AGRN: variants seen among roughly 807,000 people sequenced by gnomAD.
AGRN encodes the protein agrin proteoglycan.
AGRN carries 106 observed loss-of-function variants against 211.0 expected under a neutral mutation model. The observed-to-expected ratio is 0.50, with a 90% CI of 0.43 to 0.59. The LOEUF (loss-of-function observed/expected upper bound fraction) is 0.59, where lower values mean the gene tolerates loss of function less well. Ranked by LOEUF, AGRN falls within the 20% of genes least tolerant of loss-of-function variation. The pLI is 0.00. For missense variants in AGRN, 3,040 were observed against 2,982.6 expected (o/e 1.02, Z -0.45); for synonymous variants, 1,525 against 1,332.5 (o/e 1.14, Z -3.15).
At chr1:1,034,045 C>G in intron 2 of AGRN, 2 of 875,010 alleles carry the variant, frequency 2.3e-6, no homozygotes, top group Non-Finnish European at 2.7e-6. Context: ...AGCCCGGGAC[C>G]CGGCGCGGCC....
At chr1:1,037,804 A>G (rs776421757) in intron 3 of AGRN, among the ~76,000 whole-genome samples, 13 of 151,928 alleles carry the variant, frequency 8.6e-5, no homozygotes, top group Non-Finnish European at 1.6e-4. Context: ...CAGGTGGCCT[A>G]CCTTCCTCCT....
rs781097631 is a variant in AGRN, at chr1:1,044,242, T to C, written c.2133T>C (p.Ser711=). ...GPCVCDFSCQ[S]VPGSPVCGSD... is the part of the protein sequence containing the mutation. ...GTGTCTGTGACTTCAGCTGCCAGAG[T>C]GTCCCAGGCAGCCCGGTGAGCTCTG... Residue 711 remains serine, a synonymous_variant, in exon 11 of 36, where the codon AGT becomes AGC. Transcript: ENST00000379370. The C allele has an allele frequency of 8.7e-6, 14 of 1,612,472 alleles. No individual in the cohort carries two copies. The East Asian group carries it at 2.9e-4, about 33-fold the overall frequency.
At position 1,045,256 on chromosome 1, in the gene AGRN, GTGGGCC is replaced by G; in HGVS notation, c.2354_2359del (p.Gly785_Leu786del). 6.2e-7 allele frequency: 1 copy of G among 1,611,644 alleles called. No individual in the cohort carries two copies. The highest frequency in any genetic ancestry group is 8.5e-7 in the Non-Finnish European group (1 of 1,179,470). On this transcript the variant is annotated inframe_deletion, in exon 13 of 36. Coordinates refer to ENST00000379370, the MANE Select transcript of AGRN (RefSeq NM_198576.4). Reference sequence around the variant, plus strand: ...GGACAATATCACCGCAGCCCGGGGCGTGGGCCTGGCTGGCTGCCCCAGTGAGTACCT... The same window carrying G: ...GGACAATATCACCGCAGCCCGGGGCGTGGCTGGCTGCCCCAGTGAGTACCT...
chr1:1,048,767 CAAAAAAAAAAAAAAAAAA>C lies in AGRN; in HGVS notation c.4106-95_4106-78del. 9.3e-6 allele frequency: 10 copies of C among 1,075,966 alleles called. No individual in the cohort carries two copies. Among genetic ancestry groups the C allele is most frequent in the Non-Finnish European group, 1.2e-5 (10 of 814,054 alleles). The allele number at this position is 1,075,966 out of a possible 1,614,324, so 66.7% of individuals were successfully genotyped here. On this transcript the variant is annotated intron_variant, in intron 23 of 35. Transcript: ENST00000379370. This position sits in a 1 kb window ranked among gnomAD's most constrained non-coding sequence, Gnocchi z 5.9. ...GGGCAAAAAGAGCAAAACTCCGTCT[CAAAAAAAAAAAAAAAAAA>C]AAAAGCAGGGGGCGGTTTCAGGGAT...
At chr1:1,047,031 C>T (rs1159366146) in intron 19 of AGRN, 74 bp downstream of exon 19, 2 of 1,543,544 alleles carry the variant, frequency 1.3e-6, no homozygotes, top group Non-Finnish European at 1.7e-6. Flanking sequence ...CTCGCCTGGG[C>T]AGCAGGTCAG....
chr1:1,053,816 G>C lies in AGRN; in HGVS notation c.5715G>C (p.Leu1905=). 6.2e-7 allele frequency: 1 copy of C among 1,611,268 alleles called. No homozygotes were observed. The highest frequency in any genetic ancestry group is 8.5e-7 in the Non-Finnish European group (1 of 1,179,426). ...LSLRTEATQG[L]VLWSGKATER... ...TGCGCACTGAGGCCACGCAGGGGCT[G>C]GTGCTCTGGAGTGGCAAGGCCACGG... The change falls in exon 34 of 36, where the codon CTG becomes CTC. Residue 1905 remains leucine (L), a synonymous_variant. Coordinates refer to ENST00000379370, the MANE Select transcript of AGRN (RefSeq NM_198576.4).
rs989999911 is a variant in AGRN at position 1,031,341 on chromosome 1, G to A, written c.464-3936G>A. 1.3e-5 allele frequency among the ~76,000 whole-genome samples: 2 copies of A among 152,150 alleles called. No homozygotes were observed. The highest frequency in any genetic ancestry group is 2.4e-5 in the African/African-American group (1 of 41,412). ...GTGAGTGTGAGATCAGGGACCAGGG[G>A]GCTAGTACTCTTTCCTGCACATGAG... On this transcript the variant is annotated intron_variant, in intron 2 of 35. Transcript: ENST00000379370. This position sits in a 1 kb window ranked among gnomAD's most constrained non-coding sequence, Gnocchi z 4.8.
chr1:1,035,470 T>A, intron 3 of AGRN, 146 bp downstream of exon 3: 1 of 1,136,090 alleles, frequency 8.8e-7, no homozygotes, highest in Admixed American at 1.8e-5. Context: ...GTCCTGGGAG[T>A]CCGCAGCGGT....
chr1:1,040,378 T>C (rs1210646670), intron 3 of AGRN, among the ~76,000 whole-genome samples: 1 of 152,108 alleles, frequency 6.6e-6, no homozygotes, highest in Non-Finnish European at 1.5e-5. Context: ...CAGAGTCGGG[T>C]GCCGCCTGCG....
intron 30 of AGRN, 73 bp from the exon 31 acceptor site, chr1:1,051,180 C>G (rs1037965299): frequency 3.2e-5 from 49 of 1,517,654 alleles, no homozygotes; most frequent in Middle Eastern, 3.4e-4. Flanking sequence ...GGGGCGGGTG[C>G]GTGCAGGTGC....
chr1:1,051,659 A>G lies in AGRN; in HGVS notation c.5563+14A>G, dbSNP rs1014973655. 1.2e-6 allele frequency: 2 copies of G among 1,612,668 alleles called. No homozygotes were observed. The highest frequency in any genetic ancestry group is 1.7e-6 in the Non-Finnish European group (2 of 1,179,774). On this transcript the variant is annotated intron_variant, in intron 32 of 35. Coordinates refer to ENST00000379370, the MANE Select transcript of AGRN (RefSeq NM_198576.4). ...ACTGCGAGAAGGGTGAGCCTGGCAC[A>G]GGGCAGGGGGCGGAGGCCGGATGGG...
In AGRN at chr1:1,025,102, G is replaced by C. The variant is rs533776655; in HGVS notation, c.463+2640G>C. Among the ~76,000 whole-genome samples, 6 of 152,278 alleles carry C rather than the reference G, an allele frequency of 3.9e-5. No individual in the cohort carries two copies. The South Asian group carries it at 1.2e-3, about 32-fold the overall frequency. On this transcript the variant is annotated intron_variant, in intron 2 of 35. Coordinates refer to ENST00000379370, the MANE Select transcript of AGRN (RefSeq NM_198576.4). ...GGGACTCCTGGCTGAGGGCCGGCCAGGCCGCCCGGGGCCCATCCCTCCCTG... is the reference window on the plus strand; with the variant it reads ...GGGACTCCTGGCTGAGGGCCGGCCACGCCGCCCGGGGCCCATCCCTCCCTG...
At chr1:1,021,571 T>C (rs1002462363) in intron 1 of AGRN, among the ~76,000 whole-genome samples, 1 of 152,210 alleles carries the variant, frequency 6.6e-6, no homozygotes, top group Non-Finnish European at 1.5e-5. Flanking sequence ...TGGGTCCCTG[T>C]CCCCGTGAGG....
intron 20 of AGRN, 46 bp from the exon 21 acceptor site, chr1:1,047,526 GC>G: frequency 6.2e-7 from 1 of 1,612,544 alleles, no homozygotes. Context: ...CACCAGGGCA[GC>G]CCGGCTTGGG....
Position 1,044,351 on chromosome 1 carries a change from G to A in AGRN, c.2166G>A (p.Gly722=). The stretch of plus-strand genomic sequence containing the variant: ...CCCTCCAGGTGTGCGGCTCAGATGG[G>A]GTCACCTACAGCACCGAGTGTGAGC... The part of the protein sequence containing the change: ...VPGSPVCGSD[G]VTYSTECELK... Residue 722 remains glycine, a synonymous_variant, in exon 12 of 36, where the codon GGG becomes GGA. Transcript: ENST00000379370. The A allele has an allele frequency of 6.2e-7, 1 of 1,612,758 alleles. No homozygotes were observed. Among genetic ancestry groups the A allele is most frequent in the South Asian group, 1.1e-5 (1 of 91,078 alleles).
chr1:1,027,340 C>T (rs28670633), intron 2 of AGRN, among the ~76,000 whole-genome samples: 15,969 of 152,278 alleles, frequency 0.1, 1,057 homozygotes, highest in Middle Eastern at 0.17. Flanking sequence ...ACTAGTGGGC[C>T]ATGGTTCTTA....
At chr1:1,034,865 G>A (rs1644763336) in intron 2 of AGRN, 2 of 365,964 alleles carry the variant, frequency 5.5e-6, no homozygotes, top group Non-Finnish European at 8.8e-6. Context: ...GCCGTCCTTG[G>A]GCTCTCAGTG....
At chr1:1,049,198 G>C in intron 24 of AGRN, 38 bp from the exon 25 acceptor site, 1 of 1,502,766 alleles carries the variant, frequency 6.7e-7, no homozygotes, top group African/African-American at 1.4e-5. Flanking sequence ...TGGGGACGGG[G>C]CCGGGCGATG....
chr1:1,050,881 C>T (rs1443712977), intron 30 of AGRN, 44 bp downstream of exon 30: 3 of 1,524,344 alleles, frequency 2.0e-6, no homozygotes, highest in Middle Eastern at 1.7e-4. Context: ...GCTGCCTGCT[C>T]TTCCTCCTCG....
Sources: gnomAD v4.1 joint callset for allele counts (sites outside exome capture counted in the v4.1 genomes callset) on GRCh38, gnomAD v4.1.1 for gene constraint, Gnocchi (gnomAD v3.1) non-coding constraint, MANE v1.5 for transcripts, NCBI Gene and HGNC (gene_info 2026-07-23, HGNC 2026-07-21) for gene names.